KCNB2: variants seen among roughly 807,000 people sequenced by gnomAD.
KCNB2 encodes potassium voltage-gated channel subfamily B member 2, also known as delayed rectifier potassium channel protein.
Under a neutral mutation model 61.5 loss-of-function variants are expected in KCNB2, and 15 were observed. The observed-to-expected ratio is 0.24, with a 90% confidence interval of 0.16 to 0.38. The LOEUF (loss-of-function observed/expected upper bound fraction) is 0.38, where lower values mean the gene tolerates loss of function less well. Ranked by LOEUF, KCNB2 falls within the 10% of genes least tolerant of loss-of-function variation. KCNB2 has a pLI of 1.00. For synonymous variants in KCNB2, 457 were observed against 446.0 expected (o/e 1.02, Z -0.31); for missense variants, 828 against 1,125.2 (o/e 0.74, Z 3.78).
chr8:72,652,660 G>T (rs1425421895), intron 2 of KCNB2, among the ~76,000 whole-genome samples: 1 of 152,004 alleles, frequency 6.6e-6, no homozygotes, highest in African/African-American at 2.4e-5. Flanking sequence ...GCATTGATAG[G>T]GCTTAATGAC....
In KCNB2 at chr8:72,713,772, C is replaced by T. The variant is rs187467076; in HGVS notation, c.579+145459C>T. Among the ~76,000 whole-genome samples, 712 of 152,230 alleles carry T rather than the reference C, an allele frequency of 4.7e-3. 7 individuals carry two copies. The highest frequency in any genetic ancestry group is 0.016 in the African/African-American group (681 of 41,544). ...GAGTGCCTCTCCTCCTCCAAAGGAA[C>T]GCAGCTCCTCACCAGCAATGGAACA... On this transcript the variant is annotated intron_variant, in intron 2 of 2. Transcript: ENST00000523207.
chr8:72,683,573 G>A (rs1806798427), intron 2 of KCNB2, among the ~76,000 whole-genome samples: 1 of 152,202 alleles, frequency 6.6e-6, no homozygotes, highest in African/African-American at 2.4e-5. Context: ...CTACTGGAAG[G>A]AGCTTCTGAT....
intron 2 of KCNB2, among the ~76,000 whole-genome samples, chr8:72,607,342 A>C (rs1467036203): frequency 2.0e-5 from 3 of 152,128 alleles, no homozygotes; most frequent in African/African-American, 7.2e-5. Context: ...CATCCTTCTC[A>C]AGAATGATTA....
At chr8:72,732,910 A>G (rs1002622142) in intron 2 of KCNB2, among the ~76,000 whole-genome samples, 97 of 152,278 alleles carry the variant, frequency 6.4e-4, no homozygotes, top group African/African-American at 2.2e-3. Context: ...CTCCCCAACT[A>G]AAATGTAAGC....
At chr8:72,750,653 CT>C (rs1563579578) in intron 2 of KCNB2, 1 of 152,120 alleles carries the variant, frequency 6.6e-6, no homozygotes, top group Non-Finnish European at 1.5e-5. Context: ...GGTTTCTTTA[CT>C]TGGTTTTACT....
At chr8:72,921,928 G>T (rs1806528453) in intron 2 of KCNB2, among the ~76,000 whole-genome samples, 1 of 152,072 alleles carries the variant, frequency 6.6e-6, no homozygotes, top group African/African-American at 2.4e-5. Context: ...GTATGAAATG[G>T]CTCTGTGAGT....
At chr8:72,842,726 G>A (rs895686449) in intron 2 of KCNB2, among the ~76,000 whole-genome samples, 15 of 152,118 alleles carry the variant, frequency 9.9e-5, no homozygotes, top group African/African-American at 3.4e-4. Context: ...TTCTGTAGAG[G>A]TGTTTATAGT....
At chr8:72,681,969 G>C (rs1806764764) in intron 2 of KCNB2, among the ~76,000 whole-genome samples, 1 of 152,124 alleles carries the variant, frequency 6.6e-6, no homozygotes, top group Admixed American at 6.5e-5. Context: ...CCTAAATCTA[G>C]GGATTAAAAT....
chr8:72,709,022 A>G (rs1807280508), intron 2 of KCNB2, among the ~76,000 whole-genome samples: 1 of 152,192 alleles, frequency 6.6e-6, no homozygotes, highest in Non-Finnish European at 1.5e-5. Context: ...AGGAGTCACT[A>G]ATAAAAAATG....
intron 1 of KCNB2, among the ~76,000 whole-genome samples, chr8:72,542,641 G>A (rs1806207088): frequency 6.6e-6 from 1 of 152,112 alleles, no homozygotes; most frequent in African/African-American, 2.4e-5. Flanking sequence ...AGATACAGAG[G>A]TGAATGCAGT....
chr8:72,809,019 T>A (rs1809265818), intron 2 of KCNB2, among the ~76,000 whole-genome samples: 1 of 152,204 alleles, frequency 6.6e-6, no homozygotes, highest in South Asian at 2.1e-4. Flanking sequence ...AAAATGTTGC[T>A]TGCCATTTTA....
chr8:72,780,866 A>G (rs2128997905), intron 2 of KCNB2, among the ~76,000 whole-genome samples: 1 of 152,248 alleles, frequency 6.6e-6, no homozygotes, highest in East Asian at 1.9e-4. Context: ...CTATTTCTCA[A>G]CAGCCTCACC....
chr8:72,821,682 C>T (rs1054670149), intron 2 of KCNB2, among the ~76,000 whole-genome samples: 6 of 147,196 alleles, frequency 4.1e-5, no homozygotes, highest in African/African-American at 1.5e-4. Flanking sequence ...CAAGCCCCCA[C>T]AGTGTGTGGA....
chr8:72,933,429 T>G (rs1269233761), intron 2 of KCNB2, among the ~76,000 whole-genome samples: 1 of 152,230 alleles, frequency 6.6e-6, no homozygotes, highest in African/African-American at 2.4e-5. Flanking sequence ...CTCTTTGAAG[T>G]GATAAACACA....
intron 2 of KCNB2, among the ~76,000 whole-genome samples, chr8:72,868,493 G>A (rs1016950648): frequency 3.0e-4 from 45 of 151,778 alleles, no homozygotes; most frequent in African/African-American, 9.4e-4. Context: ...CAGGAGAATC[G>A]CTTGAACCAG....
chr8:72,781,579 T>A (rs1808755475), intron 2 of KCNB2, among the ~76,000 whole-genome samples: 1 of 152,234 alleles, frequency 6.6e-6, no homozygotes, highest in Non-Finnish European at 1.5e-5. Flanking sequence ...TGTGTCTGTT[T>A]TTGTACCAGT....
intron 2 of KCNB2, among the ~76,000 whole-genome samples, chr8:72,831,383 A>T (rs1392523837): frequency 6.6e-6 from 1 of 152,256 alleles, no homozygotes; most frequent in African/African-American, 2.4e-5. Context: ...AGCAAGTTTT[A>T]AAAAATCACC....
At chr8:72,546,673 C>T (rs1365017703) in intron 1 of KCNB2, among the ~76,000 whole-genome samples, 1 of 152,042 alleles carries the variant, frequency 6.6e-6, no homozygotes, top group African/African-American at 2.4e-5. Flanking sequence ...ACTCTGTCAC[C>T]CAGTCTAGAG....
chr8:72,719,762 G>A (rs1379205092), intron 2 of KCNB2, among the ~76,000 whole-genome samples: 1 of 151,420 alleles, frequency 6.6e-6, no homozygotes, highest in African/African-American at 2.4e-5. Context: ...GTACTTTAGT[G>A]GCTTAAAAAA....
Sources: allele counts gnomAD v4.1 joint callset (sites outside exome capture counted in the v4.1 genomes callset), GRCh38; gene constraint gnomAD v4.1.1; transcripts MANE v1.5; gene names NCBI Gene and HGNC (gene_info 2026-07-23, HGNC 2026-07-21).